Variants in DSCAM observed in about 807,000 individuals in gnomAD.
DSCAM encodes DS cell adhesion molecule, also known as cell adhesion molecule DSCAM.
A neutral mutation model predicts 217.7 loss-of-function variants in DSCAM; 47 were observed. The ratio of observed to expected loss-of-function variants is 0.22; its 90% confidence interval spans 0.17 to 0.28. The LOEUF (loss-of-function observed/expected upper bound fraction) is 0.28. DSCAM is among the 10% of genes least tolerant of loss of function. The probability of loss-of-function intolerance (pLI) is 1.00; values close to 1 mark genes in which losing one functional copy is unlikely to be tolerated. For missense variants in DSCAM, 2,080 were observed against 2,618.3 expected, an observed-to-expected ratio of 0.79 and a Z score of 4.49; for synonymous variants, 1,056 against 1,015.3, an observed-to-expected ratio of 1.04 and a Z score of -0.76.
At chr21:40,740,095 T>C (rs1273265902) in intron 1 of DSCAM, among the ~76,000 whole-genome samples, 1 of 150,892 alleles carries the variant, frequency 6.6e-6, no homozygotes, top group African/African-American at 2.4e-5. Flanking sequence ...TGACAACCCT[T>C]TAAAGCAACT....
At chr21:40,618,227 C>T (rs1054814041) in intron 3 of DSCAM, among the ~76,000 whole-genome samples, 6 of 152,060 alleles carry the variant, frequency 3.9e-5, no homozygotes, top group Admixed American at 1.3e-4. Context: ...ATGTGTGCTC[C>T]GTTTTCAGAA....
At chr21:40,160,858 T>A (rs1323674752) in intron 16 of DSCAM, among the ~76,000 whole-genome samples, 1 of 152,178 alleles carries the variant, frequency 6.6e-6, no homozygotes, top group Non-Finnish European at 1.5e-5. Context: ...CGTGAAACTC[T>A]TAGAAGAAAC....
At chr21:40,365,056 CTATAATA>C (rs1167553669) in intron 4 of DSCAM, among the ~76,000 whole-genome samples, 1 of 150,656 alleles carries the variant, frequency 6.6e-6, no homozygotes, top group Non-Finnish European at 1.5e-5. Context: ...AAATGAGTAT[CTATAATA>C]TATAATATAT....
At chr21:40,608,183 GAA>G (rs2089267538) in intron 3 of DSCAM, among the ~76,000 whole-genome samples, 2 of 152,206 alleles carry the variant, frequency 1.3e-5, no homozygotes, top group South Asian at 4.1e-4. Flanking sequence ...GTGGCAGTGA[GAA>G]ATTATCCTAA....
chr21:40,242,132 TACCCCTGAACCTAAA>T (rs1379781864), intron 11 of DSCAM, among the ~76,000 whole-genome samples: 1 of 150,966 alleles, frequency 6.6e-6, no homozygotes, highest in Non-Finnish European at 1.5e-5. Flanking sequence ...CCTGCATGTG[TACCCCTGAACCTAAA>T]AGTTTTTTTT....
chr21:40,498,781 G>GTA (rs1166919235), intron 3 of DSCAM, among the ~76,000 whole-genome samples: 72 of 25,974 alleles, frequency 2.8e-3, no homozygotes, highest in South Asian at 5.5e-3. Context: ...ATATGGGTGT[G>GTA]TATATATATA....
chr21:40,399,318 G>A (rs1266464042), intron 3 of DSCAM, among the ~76,000 whole-genome samples: 1 of 147,582 alleles, frequency 6.8e-6, no homozygotes, highest in East Asian at 2.0e-4. Flanking sequence ...AAACATAGGA[G>A]TCCAAAGATT....
chr21:40,536,424 C>T (rs941471717), intron 3 of DSCAM, among the ~76,000 whole-genome samples: 9 of 129,118 alleles, frequency 7.0e-5, no homozygotes, highest in Non-Finnish European at 1.3e-4. Flanking sequence ...TTTTTTGAGA[C>T]GGAGTCTCGC....
At chr21:40,425,929 T>C (rs765823044) in intron 3 of DSCAM, among the ~76,000 whole-genome samples, 3 of 152,198 alleles carry the variant, frequency 2.0e-5, no homozygotes, top group Non-Finnish European at 2.9e-5. Context: ...TATCTATATA[T>C]AATATCCTTT....
intron 3 of DSCAM, among the ~76,000 whole-genome samples, chr21:40,507,169 C>A (rs1294389570): frequency 6.6e-6 from 1 of 151,966 alleles, no homozygotes; most frequent in Non-Finnish European, 1.5e-5. Flanking sequence ...CCCAGCTACT[C>A]GGGAAGCTGA....
At chr21:40,432,181 C>T (rs2075539752) in intron 3 of DSCAM, among the ~76,000 whole-genome samples, 1 of 146,524 alleles carries the variant, frequency 6.8e-6, no homozygotes, top group African/African-American at 2.5e-5. Flanking sequence ...CGGGCAACAG[C>T]ATGAGACTCT....
chr21:40,439,384 C>G (rs1033923108), intron 3 of DSCAM, among the ~76,000 whole-genome samples: 42 of 152,268 alleles, frequency 2.8e-4, no homozygotes, highest in Non-Finnish European at 2.6e-4. Flanking sequence ...TACAGTGGAA[C>G]TGGAGTGAAG....
chr21:40,381,163 A>G (rs148874490), intron 3 of DSCAM, among the ~76,000 whole-genome samples: 1,632 of 152,096 alleles, frequency 0.011, 15 homozygotes, highest in Non-Finnish European at 0.015. Flanking sequence ...GGTGGCTGCT[A>G]GGTCTTGGTG....
At chr21:40,807,448 G>T (rs187760305) in intron 1 of DSCAM, among the ~76,000 whole-genome samples, 1 of 151,980 alleles carries the variant, frequency 6.6e-6, no homozygotes, top group Non-Finnish European at 1.5e-5. Flanking sequence ...TCCTGCCTTC[G>T]CAGGAGGTGG....
chr21:40,677,954 C>T (rs1404907624), intron 3 of DSCAM, among the ~76,000 whole-genome samples: 1 of 150,374 alleles, frequency 6.7e-6, no homozygotes, highest in Non-Finnish European at 1.5e-5. Flanking sequence ...GTTAATGCAG[C>T]CCAAACAATC....
chr21:40,738,332 G>A (rs973677082), intron 1 of DSCAM, among the ~76,000 whole-genome samples: 4 of 152,244 alleles, frequency 2.6e-5, no homozygotes, highest in African/African-American at 7.2e-5. Context: ...GTGGGAAAGA[G>A]TTGCATCAGG....
At chr21:40,382,486 A>AT (rs1223505813) in intron 3 of DSCAM, among the ~76,000 whole-genome samples, 3 of 152,314 alleles carry the variant, frequency 2.0e-5, no homozygotes, top group South Asian at 2.1e-4. Context: ...AAAGCAGTTT[A>AT]TTTTTTTAAA....
Position 40,025,358 on chromosome 21 carries a change from T to G in DSCAM, c.5687-11972A>C, listed in dbSNP as rs936833204. Among the ~76,000 whole-genome samples the G allele has an allele frequency of 1.1e-3, 153 of 144,536 alleles. 2 individuals carry two copies. Among genetic ancestry groups the G allele is most frequent in the African/African-American group, 3.8e-3 (145 of 37,804 alleles). 94.8% of individuals were successfully genotyped at this position (144,536 alleles called of 152,430 possible). On this transcript the variant is annotated intron_variant, in intron 32 of 32. Transcript: ENST00000400454. ...TTTTTTGGTTGTGTCTCTGCCTGGC[T>G]TTGGTATCAGAATGATGCTGGCCTC...
At chr21:40,470,171 G>C (rs895400167) in intron 3 of DSCAM, among the ~76,000 whole-genome samples, 1 of 152,152 alleles carries the variant, frequency 6.6e-6, no homozygotes, top group African/African-American at 2.4e-5. Context: ...TTTATTTCAA[G>C]TTTGGATGCA....
Sources: gnomAD v4.1 joint callset for allele counts (sites outside exome capture counted in the v4.1 genomes callset) on GRCh38, gnomAD v4.1.1 for gene constraint, MANE v1.5 for transcripts, NCBI Gene and HGNC (gene_info 2026-07-23, HGNC 2026-07-21) for gene names.